CNTRL: variants seen among roughly 807,000 people sequenced by gnomAD.
The protein encoded by CNTRL is 110 kDa centrosomal protein.
Under a neutral mutation model 303.7 loss-of-function variants are expected in CNTRL, and 233 were observed. The observed-to-expected ratio is 0.77, with a 90% confidence interval of 0.69 to 0.86. The LOEUF is 0.86. CNTRL is among the 40% of genes least tolerant of loss of function. The probability of loss-of-function intolerance (pLI) is 0.00; values close to 1 mark genes in which losing one functional copy is unlikely to be tolerated. For missense variants in CNTRL, 2,524 were observed against 2,650.6 expected (o/e 0.95, Z 1.05); for synonymous variants, 900 against 922.2 (o/e 0.98, Z 0.44).
chr9:121,112,334 G>T (rs2049783280), intron 8 of CNTRL, 125 bp from the exon 9 acceptor site: 1 of 617,284 alleles, frequency 1.6e-6, no homozygotes, highest in African/African-American at 1.9e-5. Context: ...TGAGTGTTGT[G>T]CAGCTTACTG....
intron 11 of CNTRL, among the ~76,000 whole-genome samples, chr9:121,116,337 G>A (rs1159752598): frequency 1.3e-5 from 2 of 152,084 alleles, no homozygotes; most frequent in African/African-American, 4.8e-5. Flanking sequence ...GAGTCTTGAG[G>A]TTAAAGATCA....
At chr9:121,114,841 A>G (rs1348866121) in intron 10 of CNTRL, among the ~76,000 whole-genome samples, 1 of 152,240 alleles carries the variant, frequency 6.6e-6, no homozygotes, top group Non-Finnish European at 1.5e-5. Context: ...AGCCCCTTTC[A>G]TGTTGAGAAT....
intron 1 of CNTRL, 83 bp downstream of exon 1, chr9:121,075,150 A>G (rs1178576390): frequency 2.8e-6 from 1 of 352,288 alleles, no homozygotes; most frequent in Non-Finnish European, 5.6e-6. Context: ...GAAGGCCCGG[A>G]CCGGGCGTGG....
intron 25 of CNTRL, among the ~76,000 whole-genome samples, chr9:121,151,683 G>A (rs994786588): frequency 4.6e-5 from 7 of 152,238 alleles, no homozygotes; most frequent in Non-Finnish European, 7.4e-5. Context: ...GAGTCACTGC[G>A]CCCAGCCTCA....
intron 14 of CNTRL, among the ~76,000 whole-genome samples, 153 bp downstream of exon 14, chr9:121,126,089 TTTC>T (rs1230098621): frequency 6.6e-6 from 1 of 152,196 alleles, no homozygotes; most frequent in African/African-American, 2.4e-5. Flanking sequence ...GGCTTTTTTT[TTTC>T]TTCTTTAGCT....
chr9:121,093,096 C>T (rs145764585), intron 4 of CNTRL, among the ~76,000 whole-genome samples: 3,064 of 151,696 alleles, frequency 0.02, 44 homozygotes, highest in Non-Finnish European at 0.028. Flanking sequence ...CATGAGCCAC[C>T]GCGCCCTGCC....
Position 121,108,025 on chromosome 9 carries a change from G to C in CNTRL, c.1002+30G>C, listed in dbSNP as rs755171712. On this transcript the variant is annotated intron_variant, in intron 8 of 43. Coordinates refer to ENST00000373855, the MANE Select transcript of CNTRL (RefSeq NM_007018.6). ...GTTCATATTTTACATTGCTTTGGCT[G>C]TATTCTCATAAGACAGATAATTCTT... 6 of 1,459,622 alleles carry C rather than the reference G, an allele frequency of 4.1e-6. No homozygotes were observed. The Admixed American group carries it at 1.4e-4, about 34-fold the overall frequency. The allele number at this position is 1,459,622 out of a possible 1,614,324, so 90.4% of individuals were successfully genotyped here.
In CNTRL at chr9:121,095,405, A is replaced by G. The variant is rs567380228; in HGVS notation, c.479+387A>G. On this transcript the variant is annotated intron_variant, in intron 5 of 43. Transcript: ENST00000373855. ...CCCCAAGATGTTCTAATCTGTTTTG[A>G]TTCTGATGTTCTTTGCTTATTGCTA... Among the ~76,000 whole-genome samples the G allele has an allele frequency of 1.6e-4, 25 of 152,236 alleles. No individual in the cohort carries two copies. In the South Asian group the frequency reaches 5.2e-3, roughly 32 times the overall value.
At position 121,118,185 on chromosome 9, in the gene CNTRL, A is replaced by ATTT. The variant is rs571841550; in HGVS notation, c.1456-161_1456-160insTTT. ...ATGATTTTCTACATATAAGCATAAAAATATAAAATATGCATGGAGTGCTTA... is the reference window on the plus strand; with the variant it reads ...ATGATTTTCTACATATAAGCATAAAATTTATATAAAATATGCATGGAGTGCTTA... On this transcript the variant is annotated intron_variant, in intron 11 of 43. Transcript: ENST00000373855. Among the ~76,000 whole-genome samples the ATTT allele has an allele frequency of 9.2e-5, 14 of 152,292 alleles. No homozygotes were observed. In the East Asian group the frequency reaches 2.7e-3, roughly 29 times the overall value.
chr9:121,145,374 T>C lies in CNTRL; in HGVS notation c.3299T>C (p.Leu1100Pro). The C allele has an allele frequency of 6.2e-7, 1 of 1,603,616 alleles. No homozygotes were observed. Among genetic ancestry groups the C allele is most frequent in the Non-Finnish European group, 8.5e-7 (1 of 1,176,986 alleles). The change falls in exon 22 of 44, where the codon CTC becomes CCC. Residue 1100 changes from leucine to proline, a missense_variant. Physicochemically the swap from Leu to Pro is moderately conservative, Grantham distance 98. Coordinates refer to ENST00000373855, the MANE Select transcript of CNTRL (RefSeq NM_007018.6). The part of the protein sequence containing the change: ...EIARLQNVLD[L>P]TGSDNKGGFE... ...GCAAGGCTGCAGAATGTACTAGACC[T>C]CACTGGAAGTGGTAAAGTATTGGGC... is the stretch of plus-strand genomic sequence containing the variant.
At chr9:121,076,764 C>G (rs2047940600) in intron 1 of CNTRL, among the ~76,000 whole-genome samples, 1 of 151,894 alleles carries the variant, frequency 6.6e-6, no homozygotes. Flanking sequence ...AGAAAAATGG[C>G]TGGAGACTTT....
In CNTRL at chr9:121,140,781, A is replaced by G; in HGVS notation, c.2478A>G (p.Glu826=). ...GAAAACTGAAATTAGGAACTGGGGA[A>G]ATGAAGTAAGGAAAAAGCAAGACCT... The part of the protein sequence containing the change: ...LRRKLKLGTG[E]MNIHSPSDVL... The change falls in exon 17 of 44, where the codon GAA becomes GAG. Residue 826 remains glutamate (E), a synonymous_variant. Coordinates refer to ENST00000373855, the MANE Select transcript of CNTRL (RefSeq NM_007018.6). 3 of 1,611,224 alleles carry G rather than the reference A, an allele frequency of 1.9e-6. No individual in the cohort carries two copies. Among genetic ancestry groups the G allele is most frequent in the Non-Finnish European group, 2.5e-6 (3 of 1,178,112 alleles).
chr9:121,135,951 A>G lies in CNTRL; in HGVS notation c.2171A>G (p.Glu724Gly), dbSNP rs1188366738. The G allele has an allele frequency of 6.2e-7, 1 of 1,612,304 alleles. No individual in the cohort carries two copies. The highest frequency in any genetic ancestry group is 2.2e-5 in the East Asian group (1 of 44,828). The change falls in exon 15 of 44, where the codon GAA becomes GGA. Residue 724 changes from glutamate (E) to glycine (G), a missense_variant. Coordinates refer to ENST00000373855, the MANE Select transcript of CNTRL (RefSeq NM_007018.6). ...LRDAEANQLKEELEKVTRLTQ... is the reference protein window; with the variant it reads ...LRDAEANQLKGELEKVTRLTQ... Reference sequence around the variant, plus strand: ...GATGCTGAAGCCAACCAGCTCAAGGAAGAGTTGGAAAAAGTAACAAGACTT... The same window carrying G: ...GATGCTGAAGCCAACCAGCTCAAGGGAGAGTTGGAAAAAGTAACAAGACTT...
Position 121,125,730 on chromosome 9 carries a change from A to AC in CNTRL, c.1819_1820insC (p.Asn607ThrfsTer2), listed in dbSNP as rs1564238013. 2 of 1,614,178 alleles carry AC rather than the reference A, an allele frequency of 1.2e-6. No homozygotes were observed. The highest frequency in any genetic ancestry group is 4.5e-5 in the East Asian group (2 of 44,886). ...ATCTTGCTTAGGCCAGATAGCAGCA[A>AC]ATGAAGCCCTGAAGAAGGATTTAGA... is the stretch of plus-strand genomic sequence containing the variant. On this transcript the variant is annotated frameshift_variant, in exon 14 of 44. Transcript: ENST00000373855. LOFTEE classifies it high-confidence loss of function.
Position 121,088,423 on chromosome 9 carries a change from A to C in CNTRL, c.97A>C (p.Arg33=), listed in dbSNP as rs1421599651. 1 of 1,611,518 alleles carries C rather than the reference A, an allele frequency of 6.2e-7. No homozygotes were observed. The highest frequency in any genetic ancestry group is 8.5e-7 in the Non-Finnish European group (1 of 1,177,644). ...IPSSMSNMRS[R]SLSPLIGSET... ...ATCATCTATGTCCAATATGAGATCT[A>C]GGTCACTTTCACCTTTGATTGGATC... Residue 33 remains arginine (R), a synonymous_variant, in exon 3 of 44, where the codon AGG becomes CGG. Transcript: ENST00000373855.
chr9:121,173,182 C>A, intron 40 of CNTRL, 61 bp from the exon 41 acceptor site: 1 of 1,439,276 alleles, frequency 6.9e-7, no homozygotes, highest in Non-Finnish European at 9.5e-7. Context: ...CATCATACAG[C>A]TCAATTCCAA....
At chr9:121,160,990 C>A (rs996345317) in intron 32 of CNTRL, among the ~76,000 whole-genome samples, 2 of 151,912 alleles carry the variant, frequency 1.3e-5, no homozygotes, top group Non-Finnish European at 2.9e-5. Flanking sequence ...CCACACCCCC[C>A]AAAAAATTGG....
At chr9:121,118,946 G>A (rs2050100789) in intron 12 of CNTRL, among the ~76,000 whole-genome samples, 1 of 152,182 alleles carries the variant, frequency 6.6e-6, no homozygotes, top group Non-Finnish European at 1.5e-5. Flanking sequence ...GAAGGGACTT[G>A]AGCATCAGTG....
intron 39 of CNTRL, 134 bp from the exon 40 acceptor site, chr9:121,171,274 A>G (rs758689323): frequency 1.1e-6 from 1 of 909,112 alleles, no homozygotes; most frequent in Admixed American, 2.0e-5. Flanking sequence ...GGCCGATAGA[A>G]TTATCCCCAT....
Sources: allele counts gnomAD v4.1 joint callset (sites outside exome capture counted in the v4.1 genomes callset), GRCh38; gene constraint gnomAD v4.1.1; transcripts MANE v1.5; gene names NCBI Gene and HGNC (gene_info 2026-07-23, HGNC 2026-07-21).